GRM3: variants seen among roughly 807,000 people sequenced by gnomAD.
GRM3 encodes metabotropic glutamate receptor 3.
A neutral mutation model predicts 70.5 loss-of-function variants in GRM3; 26 were observed. The ratio of observed to expected loss-of-function variants is 0.37; its 90% CI spans 0.27 to 0.51. GRM3 has a LOEUF of 0.51. GRM3 is among the 20% of genes least tolerant of loss of function. The probability of loss-of-function intolerance (pLI) is 0.93; values close to 1 mark genes in which losing one functional copy is unlikely to be tolerated. For synonymous variants in GRM3, 443 were observed against 434.9 expected (o/e 1.02, Z -0.23); for missense variants, 859 against 1,123.8 (o/e 0.76, Z 3.37).
chr7:86,790,430 C>T (rs1244016917), intron 3 of GRM3, among the ~76,000 whole-genome samples: 1 of 152,128 alleles, frequency 6.6e-6, no homozygotes, highest in East Asian at 1.9e-4. Flanking sequence ...TCTGTGATAG[C>T]CTCCTAGTTG....
chr7:86,709,538 C>T (rs1291056369), intron 1 of GRM3, among the ~76,000 whole-genome samples: 1 of 152,040 alleles, frequency 6.6e-6, no homozygotes, highest in Non-Finnish European at 1.5e-5. Flanking sequence ...AATGCCTCTT[C>T]CATCAGACCC....
chr7:86,792,104 A>G (rs1342949818), intron 3 of GRM3, among the ~76,000 whole-genome samples: 5 of 152,228 alleles, frequency 3.3e-5, no homozygotes, highest in Admixed American at 2.0e-4. Flanking sequence ...TCTATGAAAC[A>G]TCTAAAGAAA....
At position 86,796,702 on chromosome 7, in the gene GRM3, T is replaced by G. The variant is rs192298553; in HGVS notation, c.1324+9586T>G. Among the ~76,000 whole-genome samples the G allele has an allele frequency of 4.8e-3, 736 of 152,286 alleles. 5 individuals carry two copies. The highest frequency in any genetic ancestry group is 0.017 in the African/African-American group (699 of 41,552). Reference sequence around the variant, plus strand: ...TCTTCCTATCCATGAGCATGGAATGTTTTTTCATTTGTTTGTGTTCTCTCT... The same window carrying G: ...TCTTCCTATCCATGAGCATGGAATGGTTTTTCATTTGTTTGTGTTCTCTCT... On this transcript the variant is annotated intron_variant, in intron 3 of 5. Transcript: ENST00000361669.
In GRM3 at chr7:86,787,105, T is replaced by A. The variant is rs1419537044; in HGVS notation, c.1313T>A (p.Ile438Asn). ...KKLYKDYLLK[I>N]NFTAPFNPNK... ...TTGTACAAGGATTACTTGCTGAAAA[T>A]CAACTTCACGGGTAAGCCAAGAGCC... The change falls in exon 3 of 6, where the codon ATC becomes AAC. Residue 438 changes from isoleucine (I) to asparagine (N), a missense_variant. By Grantham distance (149) the Ile-to-Asn change is moderately radical. Coordinates refer to ENST00000361669, the MANE Select transcript of GRM3 (RefSeq NM_000840.3). 6.2e-7 allele frequency: 1 copy of A among 1,600,958 alleles called. No homozygotes were observed. The highest frequency in any genetic ancestry group is 8.5e-7 in the Non-Finnish European group (1 of 1,171,738).
intron 2 of GRM3, among the ~76,000 whole-genome samples, chr7:86,785,149 G>A (rs1797191841): frequency 6.6e-6 from 1 of 152,172 alleles, no homozygotes; most frequent in Admixed American, 6.5e-5. Context: ...AGAGCATACT[G>A]TAATAGTCAA....
chr7:86,686,225 C>T (rs1325809610), intron 1 of GRM3, among the ~76,000 whole-genome samples: 1 of 152,086 alleles, frequency 6.6e-6, no homozygotes, highest in African/African-American at 2.4e-5. Context: ...GGTATTTCTC[C>T]ATAGACACGC....
At chr7:86,652,011 A>G (rs1047301501) in intron 1 of GRM3, among the ~76,000 whole-genome samples, 1 of 152,218 alleles carries the variant, frequency 6.6e-6, no homozygotes, top group Admixed American at 6.5e-5. Context: ...AGAAAAGGTA[A>G]CTTTACCAGT....
chr7:86,852,011 T>C (rs1387043513), intron 5 of GRM3, among the ~76,000 whole-genome samples: 1 of 152,150 alleles, frequency 6.6e-6, no homozygotes, highest in African/African-American at 2.4e-5. Context: ...CATGTGTGTA[T>C]GTGTGTGCTG....
chr7:86,800,529 G>A (rs1164167690), intron 3 of GRM3, among the ~76,000 whole-genome samples: 1 of 152,090 alleles, frequency 6.6e-6, no homozygotes, highest in Non-Finnish European at 1.5e-5. Context: ...AAATAAACTA[G>A]AAAATATAGA....
chr7:86,745,532 C>T (rs1210140191), intron 1 of GRM3, among the ~76,000 whole-genome samples: 3 of 152,074 alleles, frequency 2.0e-5, no homozygotes, highest in Non-Finnish European at 4.4e-5. Context: ...ACTCTCTGAC[C>T]TTGGAGAAGC....
chr7:86,718,064 A>G (rs1168515178), intron 1 of GRM3, among the ~76,000 whole-genome samples: 2 of 151,990 alleles, frequency 1.3e-5, no homozygotes, highest in Admixed American at 1.3e-4. Flanking sequence ...GTGTTTTATA[A>G]GCAAAATTAA....
intron 3 of GRM3, among the ~76,000 whole-genome samples, chr7:86,824,126 G>A (rs531885353): frequency 1.3e-5 from 2 of 152,264 alleles, no homozygotes; most frequent in African/African-American, 4.8e-5. Context: ...TAGAACTCCT[G>A]CCTTATCTTT....
chr7:86,703,229 C>G (rs530242233), intron 1 of GRM3, among the ~76,000 whole-genome samples: 2 of 151,982 alleles, frequency 1.3e-5, no homozygotes, highest in Admixed American at 1.3e-4. Flanking sequence ...AAGCACAAAT[C>G]CTAGAGACAG....
intron 3 of GRM3, among the ~76,000 whole-genome samples, chr7:86,794,246 T>A (rs560771879): frequency 5.3e-4 from 81 of 152,274 alleles, no homozygotes; most frequent in African/African-American, 1.8e-3. Context: ...TCTGTATACC[T>A]TTATGCTATT....
intron 1 of GRM3, among the ~76,000 whole-genome samples, chr7:86,689,649 A>AT (rs1305798059): frequency 6.6e-6 from 1 of 152,122 alleles, no homozygotes; most frequent in African/African-American, 2.4e-5. Context: ...GGAAAAAAAT[A>AT]TAAGATACTG....
chr7:86,682,954 G>A (rs1205214033), intron 1 of GRM3, among the ~76,000 whole-genome samples: 6 of 152,124 alleles, frequency 3.9e-5, no homozygotes, highest in South Asian at 2.1e-4. Flanking sequence ...CCATGCTGAG[G>A]GGCTTAATTG....
intron 1 of GRM3, among the ~76,000 whole-genome samples, chr7:86,665,305 ATATAC>A (rs1333312654): frequency 6.6e-6 from 1 of 152,076 alleles, no homozygotes; most frequent in African/African-American, 2.4e-5. Context: ...CCAGACTTCA[ATATAC>A]TATCTACCTC....
chr7:86,762,808 G>A (rs778301364), intron 1 of GRM3, among the ~76,000 whole-genome samples: 128 of 152,144 alleles, frequency 8.4e-4, no homozygotes, highest in Admixed American at 3.5e-3. Flanking sequence ...TTGGCAAAAG[G>A]GAACAGCATG....
At position 86,839,227 on chromosome 7, in the gene GRM3, G is replaced by T; in HGVS notation, c.1713G>T (p.Arg571Ser). The T allele has an allele frequency of 2.5e-6, 4 of 1,614,028 alleles. No homozygotes were observed. The highest frequency in any genetic ancestry group is 2.5e-6 in the Non-Finnish European group (3 of 1,179,876). Residue 571 changes from arginine (R) to serine (S), a missense_variant, in exon 4 of 6, where the codon AGG becomes AGT. Transcript: ENST00000361669. The surrounding 1 kb of genome is among the most constrained non-coding windows in gnomAD (Gnocchi z 4.5). ...GCYDLPEDYI[R>S]WEDAWAIGPV... Reference sequence around the variant, plus strand: ...ATGACCTTCCTGAGGACTACATCAGGTGGGAAGACGCCTGGGCCATTGGCC... The same window carrying T: ...ATGACCTTCCTGAGGACTACATCAGTTGGGAAGACGCCTGGGCCATTGGCC...
Sources: gnomAD v4.1 joint callset for allele counts (sites outside exome capture counted in the v4.1 genomes callset) on GRCh38, gnomAD v4.1.1 for gene constraint, Gnocchi (gnomAD v3.1) non-coding constraint, MANE v1.5 for transcripts, NCBI Gene and HGNC (gene_info 2026-07-23, HGNC 2026-07-21) for gene names.